The following SEC23A variants were observed in gnomAD, a reference collection of about 807,000 sequenced individuals.
SEC23A encodes the protein SEC23 homolog A, COPII component, also known as protein transport protein Sec23A.
SEC23A carries 56 observed loss-of-function variants against 103.7 expected under a neutral mutation model. The ratio of observed to expected loss-of-function variants is 0.54; its 90% CI spans 0.44 to 0.67. The LOEUF (loss-of-function observed/expected upper bound fraction) is 0.67. Ranked by LOEUF, SEC23A falls within the 30% of genes least tolerant of loss-of-function variation. The pLI is 0.00. For missense variants in SEC23A, 784 were observed against 936.4 expected, an observed-to-expected ratio of 0.84 and a Z score of 2.12; for synonymous variants, 281 against 293.0, an observed-to-expected ratio of 0.96 and a Z score of 0.42.
intron 14 of SEC23A, among the ~76,000 whole-genome samples, chr14:39,050,452 G>A (rs1886017687): frequency 6.6e-6 from 1 of 152,184 alleles, no homozygotes; most frequent in Admixed American, 6.5e-5. Context: ...TCCCATTGGT[G>A]CAGCAAGAGA....
chr14:39,056,302 C>T (rs1886245747), intron 13 of SEC23A, among the ~76,000 whole-genome samples: 2 of 152,118 alleles, frequency 1.3e-5, no homozygotes, highest in Non-Finnish European at 2.9e-5. Context: ...TCTCCTGATT[C>T]CCACAACATT....
intron 19 of SEC23A, 90 bp from the exon 20 acceptor site, chr14:39,033,418 T>C: frequency 1.3e-6 from 1 of 765,986 alleles, no homozygotes; most frequent in Non-Finnish European, 2.1e-6. Context: ...AAGGAAATCA[T>C]TTGAAATGCC....
Position 39,049,670 on chromosome 14 carries a change from C to T in SEC23A, c.1660-941G>A, listed in dbSNP as rs556055380. 3.3e-5 allele frequency among the ~76,000 whole-genome samples: 5 copies of T among 151,766 alleles called. No individual in the cohort carries two copies. The East Asian group carries it at 7.8e-4, about 24-fold the overall frequency. ...GCACGTGACTATAGTCCCAGCTACT[C>T]GAGAGGCTATGGTAGGAGGATTGCT... On this transcript the variant is annotated intron_variant, in intron 14 of 19. Transcript: ENST00000307712.
At chr14:39,055,732 G>T (rs1314301393) in intron 13 of SEC23A, among the ~76,000 whole-genome samples, 1 of 152,146 alleles carries the variant, frequency 6.6e-6, no homozygotes, top group African/African-American at 2.4e-5. Flanking sequence ...CATTATCCAA[G>T]AAGCCAGGGC....
At position 39,101,812 on chromosome 14, in the gene SEC23A, GTCT is replaced by G. The variant is rs1476441540; in HGVS notation, c.-22+1217_-22+1219del. 2.0e-5 allele frequency among the ~76,000 whole-genome samples: 3 copies of G among 152,270 alleles called. No individual in the cohort carries two copies. In the East Asian group the frequency reaches 5.8e-4, roughly 29 times the overall value. On this transcript the variant is annotated intron_variant, in intron 1 of 19. Coordinates refer to ENST00000307712, the MANE Select transcript of SEC23A (RefSeq NM_006364.4). ...TCACTTCCAAAATCCTCAATGAATT[GTCT>G]TCTTATGATCTTGGACAATTAACCT... is the stretch of plus-strand genomic sequence containing the variant.
At chr14:39,074,669 T>C (rs376181068) in intron 8 of SEC23A, 139 bp from the exon 9 acceptor site, 6 of 624,068 alleles carry the variant, frequency 9.6e-6, no homozygotes, top group African/African-American at 5.5e-5. Flanking sequence ...CTTTCTGTAA[T>C]GTTAATAAAA....
In SEC23A at chr14:39,076,101, A is replaced by C; in HGVS notation, c.829-8T>G. 6.3e-7 allele frequency: 1 copy of C among 1,599,478 alleles called. No individual in the cohort carries two copies. Among genetic ancestry groups the C allele is most frequent in the Non-Finnish European group, 8.5e-7 (1 of 1,170,908 alleles). ...AGTGTTGGGAAAAGTACACTATTAA[A>C]AAAAAAGTCAAGAGTTTAAAAGAAA... On this transcript the variant is annotated splice_region_variant and splice_polypyrimidine_tract_variant and intron_variant, in intron 7 of 19. Coordinates refer to ENST00000307712, the MANE Select transcript of SEC23A (RefSeq NM_006364.4).
chr14:39,038,362 T>C (rs1307812506), intron 19 of SEC23A, among the ~76,000 whole-genome samples: 1 of 152,248 alleles, frequency 6.6e-6, no homozygotes, highest in African/African-American at 2.4e-5. Flanking sequence ...CCATTCTGCC[T>C]TGTAATTTAC....
At chr14:39,044,047 G>A (rs1172395305) in intron 16 of SEC23A, among the ~76,000 whole-genome samples, 1 of 152,146 alleles carries the variant, frequency 6.6e-6, no homozygotes, top group East Asian at 1.9e-4. Flanking sequence ...TTATAAACCT[G>A]ACTGTTGTTA....
intron 7 of SEC23A, among the ~76,000 whole-genome samples, chr14:39,076,952 C>T (rs1456608517): frequency 1.3e-5 from 2 of 148,724 alleles, no homozygotes; most frequent in African/African-American, 5.0e-5. Flanking sequence ...AGAGGCTGGA[C>T]GCAGTGGCTG....
chr14:39,083,847 G>A (rs554902817), intron 7 of SEC23A, among the ~76,000 whole-genome samples: 2 of 152,094 alleles, frequency 1.3e-5, no homozygotes, highest in South Asian at 4.1e-4. Context: ...TTACAGGCGT[G>A]AGCCAACACG....
chr14:39,089,853 G>C (rs1228263822), intron 5 of SEC23A, among the ~76,000 whole-genome samples: 1 of 152,190 alleles, frequency 6.6e-6, no homozygotes, highest in Non-Finnish European at 1.5e-5. Context: ...CTACTCGAGA[G>C]GCTGAGGCAG....
At chr14:39,065,997 C>CAAAAAAAAAAAAAAAAAAAAAA (rs59260008) in intron 10 of SEC23A, among the ~76,000 whole-genome samples, 7 of 80,496 alleles carry the variant, frequency 8.7e-5, no homozygotes, top group Admixed American at 5.8e-4. Flanking sequence ...AACTCCATCT[C>CAAAAAAAAAAAAAAAAAAAAAA]AAAAAAAAAA....
intron 4 of SEC23A, 88 bp downstream of exon 4, chr14:39,092,453 G>T: frequency 1.2e-6 from 1 of 823,660 alleles, no homozygotes; most frequent in Non-Finnish European, 2.0e-6. Context: ...TGAGAATTAA[G>T]CATGATTCCT....
chr14:39,048,848 A>G (rs2139200145), intron 14 of SEC23A, 119 bp from the exon 15 acceptor site: 1 of 648,454 alleles, frequency 1.5e-6, no homozygotes, highest in South Asian at 1.8e-5. Context: ...CTTGATAAAG[A>G]ATAAAATTAT....
At chr14:39,098,967 A>G (rs1413065441) in intron 1 of SEC23A, among the ~76,000 whole-genome samples, 1 of 151,946 alleles carries the variant, frequency 6.6e-6, no homozygotes, top group Non-Finnish European at 1.5e-5. Flanking sequence ...ACACAAAACA[A>G]AAAATGTTTT....
intron 4 of SEC23A, 93 bp downstream of exon 4, chr14:39,092,448 A>G: frequency 1.2e-6 from 1 of 803,522 alleles, no homozygotes; most frequent in East Asian, 2.7e-5. Context: ...CAATGTGAGA[A>G]TTAAGCATGA....
At chr14:39,095,864 T>C (rs1344556727) in intron 2 of SEC23A, 34 bp downstream of exon 2, 6 of 1,436,982 alleles carry the variant, frequency 4.2e-6, no homozygotes, top group East Asian at 4.6e-5. Context: ...TAAAATCACA[T>C]TGCCACATTA....
intron 19 of SEC23A, among the ~76,000 whole-genome samples, chr14:39,033,950 T>C (rs1023217161): frequency 1.3e-5 from 2 of 152,222 alleles, no homozygotes; most frequent in African/African-American, 4.8e-5. Flanking sequence ...TTTCTTCTTA[T>C]ACTCAAGTTC....
Sources: allele counts gnomAD v4.1 joint callset (sites outside exome capture counted in the v4.1 genomes callset), GRCh38; gene constraint gnomAD v4.1.1; transcripts MANE v1.5; gene names NCBI Gene and HGNC (gene_info 2026-07-23, HGNC 2026-07-21).